The following GPR107 variants were observed in gnomAD, a reference collection of about 807,000 sequenced individuals.
GPR107 encodes the protein G protein-coupled receptor 107.
A neutral mutation model predicts 75.5 loss-of-function variants in GPR107; 31 were observed. That is an observed-to-expected ratio of 0.41 (90% CI 0.31 to 0.55). The LOEUF is 0.55. Ranked by LOEUF, GPR107 falls within the 20% of genes least tolerant of loss-of-function variation. The pLI is 0.26. For synonymous variants in GPR107, 267 were observed against 251.3 expected (o/e 1.06, Z -0.59); for missense variants, 572 against 665.7 (o/e 0.86, Z 1.55).
At chr9:130,085,754 A>ATTTTGTTTTTTTTTTTTTTTTTTT (rs1830598349) in intron 6 of GPR107, among the ~76,000 whole-genome samples, 1 of 78,672 alleles carries the variant, frequency 1.3e-5, no homozygotes, top group Non-Finnish European at 2.4e-5. Context: ...CAATATTTTG[A>ATTTTGTTTTTTTTTTTTTTTTTTT]TTTTTTTTTT....
At chr9:130,108,067 T>G (rs1831203002) in intron 14 of GPR107, among the ~76,000 whole-genome samples, 1 of 152,250 alleles carries the variant, frequency 6.6e-6, no homozygotes. Context: ...GACTTTCCAG[T>G]CATGCCTCCT....
At chr9:130,110,015 C>T (rs1831256205) in intron 14 of GPR107, among the ~76,000 whole-genome samples, 1 of 152,124 alleles carries the variant, frequency 6.6e-6, no homozygotes, top group Admixed American at 6.5e-5. Flanking sequence ...GCGAGGCTTA[C>T]CTGTGTGTTT....
intron 14 of GPR107, among the ~76,000 whole-genome samples, chr9:130,109,149 G>A (rs1318684685): frequency 6.6e-6 from 1 of 151,612 alleles, no homozygotes; most frequent in East Asian, 1.9e-4. Flanking sequence ...ACAGGCGCCT[G>A]CCAGCACGCC....
At chr9:130,133,088 T>C (rs1554899427) in intron 17 of GPR107, 2 of 152,118 alleles carry the variant, frequency 1.3e-5, no homozygotes, top group Non-Finnish European at 2.9e-5. Context: ...AGCACTCCTG[T>C]CTCTGTTGGA....
At chr9:130,091,991 G>A (rs958025691) in intron 8 of GPR107, among the ~76,000 whole-genome samples, 39 of 151,822 alleles carry the variant, frequency 2.6e-4, no homozygotes, top group African/African-American at 7.3e-4. Flanking sequence ...ACTGTGCCTG[G>A]CCCTAATTTT....
chr9:130,119,823 TTTTGTTTGTTTG>T (rs145764411), intron 14 of GPR107, among the ~76,000 whole-genome samples: 5 of 150,534 alleles, frequency 3.3e-5, no homozygotes, highest in Non-Finnish European at 5.9e-5. Context: ...AGTCTGTTTT[TTTTGTTTGTTTG>T]TTTGTTTGTT....
In GPR107 at chr9:130,062,640, G is replaced by T. The variant is rs140183437; in HGVS notation, c.141+8567G>T. On this transcript the variant is annotated intron_variant, in intron 1 of 17. Coordinates refer to ENST00000347136, the MANE Select transcript of GPR107 (RefSeq NM_020960.5). ...TGCCTGCCTTCCTGCCTTCCTGCCTGCCTGCCTGCCTGCCTGCCTGCCTTC... is the reference window on the plus strand; with the variant it reads ...TGCCTGCCTTCCTGCCTTCCTGCCTTCCTGCCTGCCTGCCTGCCTGCCTTC... 5.1e-3 allele frequency among the ~76,000 whole-genome samples: 503 copies of T among 98,980 alleles called. 1 individual carries two copies. The highest frequency in any genetic ancestry group is 0.015 in the African/African-American group (432 of 28,550). 64.9% of individuals were successfully genotyped at this position (98,980 alleles called of 152,430 possible).
Position 130,135,241 on chromosome 9 carries a change from C to T in GPR107, c.*120C>T, listed in dbSNP as rs1831924427. On this transcript the variant is annotated 3_prime_UTR_variant, in exon 18 of 18. Coordinates refer to ENST00000347136, the MANE Select transcript of GPR107 (RefSeq NM_020960.5). ...GGCACCACCGACAGTGACACCAGGGCACATGGCTGGAGCACAGTGCCGCGG... is the reference window on the plus strand; with the variant it reads ...GGCACCACCGACAGTGACACCAGGGTACATGGCTGGAGCACAGTGCCGCGG... The T allele has an allele frequency of 3.3e-6, 2 of 598,268 alleles. No individual in the cohort carries two copies. The highest frequency in any genetic ancestry group is 5.9e-6 in the Non-Finnish European group (2 of 340,540). 37.1% of individuals were successfully genotyped at this position (598,268 alleles called of 1,614,324 possible). A position where few individuals can be genotyped will look rare whatever the true frequency, so the allele number is the denominator to read the frequency against.
chr9:130,077,932 G>A (rs1281992220), intron 4 of GPR107, among the ~76,000 whole-genome samples: 2 of 152,170 alleles, frequency 1.3e-5, no homozygotes, highest in South Asian at 2.1e-4. Context: ...TTGGGAGGCC[G>A]AGGCGGACGG....
chr9:130,056,864 G>A (rs903529068), intron 1 of GPR107, among the ~76,000 whole-genome samples: 3 of 130,516 alleles, frequency 2.3e-5, no homozygotes, highest in Admixed American at 9.2e-5. Flanking sequence ...GTCGGAGCTT[G>A]CAGTGAGCCA....
At chr9:130,091,513 T>C (rs1830737030) in intron 8 of GPR107, among the ~76,000 whole-genome samples, 1 of 150,832 alleles carries the variant, frequency 6.6e-6, no homozygotes, top group South Asian at 2.1e-4. Context: ...GTGTGGTTAT[T>C]TGCTGGTACT....
intron 14 of GPR107, among the ~76,000 whole-genome samples, chr9:130,120,638 G>A (rs1831525464): frequency 6.6e-6 from 1 of 152,152 alleles, no homozygotes; most frequent in Non-Finnish European, 1.5e-5. Flanking sequence ...TCCACTCCTC[G>A]ATCGCTCTGC....
chr9:130,107,590 G>C (rs990404899), intron 14 of GPR107, 51 bp downstream of exon 14: 32 of 1,193,278 alleles, frequency 2.7e-5, no homozygotes, highest in South Asian at 1.1e-4. Context: ...CTGAACCCAC[G>C]TGCTGCGGCA....
chr9:130,094,215 T>A (rs1830808571), intron 9 of GPR107, among the ~76,000 whole-genome samples: 1 of 151,982 alleles, frequency 6.6e-6, no homozygotes, highest in African/African-American at 2.4e-5. Context: ...GAGGCCGAGG[T>A]GGGCGGATCA....
chr9:130,073,784 C>T (rs1830270729), intron 1 of GPR107, among the ~76,000 whole-genome samples: 1 of 152,186 alleles, frequency 6.6e-6, no homozygotes, highest in Non-Finnish European at 1.5e-5. Flanking sequence ...GAGACAGAGT[C>T]TCACTGTGTC....
chr9:130,124,871 T>C, intron 14 of GPR107, 44 bp from the exon 15 acceptor site: 1 of 1,260,802 alleles, frequency 7.9e-7, no homozygotes, highest in Non-Finnish European at 1.1e-6. Context: ...CTTTTAAAAA[T>C]GAGAAGTTAA....
intron 13 of GPR107, among the ~76,000 whole-genome samples, chr9:130,106,578 A>G (rs1157994599): frequency 6.7e-6 from 1 of 149,152 alleles, no homozygotes; most frequent in Non-Finnish European, 1.5e-5. Flanking sequence ...GCCTGGCGAC[A>G]GAACAAGACT....
chr9:130,059,558 C>T (rs1447907718), intron 1 of GPR107, among the ~76,000 whole-genome samples: 5 of 151,962 alleles, frequency 3.3e-5, no homozygotes, highest in Non-Finnish European at 7.4e-5. Flanking sequence ...TTTGATATTA[C>T]CTGTAAAAAA....
intron 15 of GPR107, 137 bp from the exon 16 acceptor site, chr9:130,127,346 C>T (rs1831713116): frequency 4.7e-6 from 3 of 634,942 alleles, no homozygotes; most frequent in Admixed American, 5.0e-5. Context: ...CGTATTAATT[C>T]ACACTGTAAG....
Sources: gnomAD v4.1 joint callset for allele counts (sites outside exome capture counted in the v4.1 genomes callset) on GRCh38, gnomAD v4.1.1 for gene constraint, MANE v1.5 for transcripts, NCBI Gene and HGNC (gene_info 2026-07-23, HGNC 2026-07-21) for gene names.